The following DOK6 variants were observed in gnomAD, a reference collection of about 807,000 sequenced individuals.
The protein encoded by DOK6 is docking protein 6.
In DOK6, 22 loss-of-function variants were observed where a neutral mutation model predicts 44.0. The observed-to-expected ratio is 0.50, with a 90% CI of 0.36 to 0.71. DOK6 has a LOEUF of 0.71. Ranked by LOEUF, DOK6 falls within the 30% of genes least tolerant of loss-of-function variation. The pLI is 0.00. For missense variants in DOK6, 340 were observed against 416.4 expected (o/e 0.82, Z 1.60); for synonymous variants, 166 against 145.5 (o/e 1.14, Z -1.01).
At chr18:69,530,448 C>G (rs761277777) in intron 1 of DOK6, among the ~76,000 whole-genome samples, 12 of 152,086 alleles carry the variant, frequency 7.9e-5, no homozygotes, top group Non-Finnish European at 1.5e-4. Context: ...TGGTTGTCAG[C>G]AGGGCCTGGA....
intron 1 of DOK6, among the ~76,000 whole-genome samples, chr18:69,502,409 G>A (rs1282899376): frequency 3.3e-5 from 5 of 152,090 alleles, no homozygotes; most frequent in South Asian, 2.1e-4. Flanking sequence ...ATTAAAAGTC[G>A]AGAAAGAAGA....
intron 1 of DOK6, among the ~76,000 whole-genome samples, chr18:69,512,332 C>CTTTTTTTT (rs548031851): frequency 1.1e-5 from 1 of 91,690 alleles, no homozygotes; most frequent in African/African-American, 4.7e-5. Context: ...CTTTCTTCTT[C>CTTTTTTTT]TTTTTTTTTT....
chr18:69,684,683 A>T (rs970214891), intron 4 of DOK6, among the ~76,000 whole-genome samples: 10 of 152,122 alleles, frequency 6.6e-5, no homozygotes, highest in Non-Finnish European at 8.8e-5. Flanking sequence ...TGCTTATATC[A>T]TCCTGTATAA....
chr18:69,463,268 G>T (rs776850294), intron 1 of DOK6, among the ~76,000 whole-genome samples: 22 of 152,020 alleles, frequency 1.4e-4, no homozygotes, highest in Non-Finnish European at 2.5e-4. Context: ...AACCTCCCCA[G>T]GGCCTCTCCT....
chr18:69,669,087 T>C (rs1314246045), intron 3 of DOK6, among the ~76,000 whole-genome samples: 2 of 152,176 alleles, frequency 1.3e-5, no homozygotes, highest in Non-Finnish European at 2.9e-5. Flanking sequence ...TGCTAAAGGG[T>C]GTTTCTTCCT....
At chr18:69,673,230 G>GTGTATA (rs140062432) in intron 3 of DOK6, among the ~76,000 whole-genome samples, 6,166 of 150,254 alleles carry the variant, frequency 0.041, 142 homozygotes, top group Middle Eastern at 0.07. Context: ...TTTTCTGTGT[G>GTGTATA]TATATATATA....
intron 1 of DOK6, among the ~76,000 whole-genome samples, chr18:69,481,194 C>T (rs12957256): frequency 0.46 from 70,118 of 151,762 alleles, 16,684 homozygotes; most frequent in Middle Eastern, 0.55. Context: ...AGCTGAGATA[C>T]CAAGTCACAT....
At chr18:69,498,150 AC>A (rs1258328547) in intron 1 of DOK6, among the ~76,000 whole-genome samples, 1 of 152,230 alleles carries the variant, frequency 6.6e-6, no homozygotes, top group African/African-American at 2.4e-5. Flanking sequence ...AGATCAGAAT[AC>A]TTAGAAAATT....
rs145965679 is a variant in DOK6 at position 69,709,654 on chromosome 18, G to A, written c.599+11061G>A. 6.9e-4 allele frequency among the ~76,000 whole-genome samples: 105 copies of A among 152,052 alleles called. 1 individual carries two copies. Among genetic ancestry groups the A allele is most frequent in the African/African-American group, 2.4e-3 (101 of 41,470 alleles). On this transcript the variant is annotated intron_variant, in intron 5 of 7. Coordinates refer to ENST00000382713, the MANE Select transcript of DOK6 (RefSeq NM_152721.6). ...TTGATCATGGTAATTAACTCACAAT[G>A]TCTTATGTTTTACTAAAATTAAAGA...
intron 1 of DOK6, among the ~76,000 whole-genome samples, chr18:69,509,320 C>T (rs1599165082): frequency 1.3e-5 from 2 of 152,242 alleles, no homozygotes; most frequent in Middle Eastern, 6.8e-3. Context: ...AAATGTTATG[C>T]CGATAATCAC....
At position 69,746,004 on chromosome 18, in the gene DOK6, A is replaced by G. The variant is rs1978972453; in HGVS notation, c.738+6901A>G. Among the ~76,000 whole-genome samples, 4 of 152,220 alleles carry G rather than the reference A, an allele frequency of 2.6e-5. 1 individual carries two copies. Among genetic ancestry groups the G allele is most frequent in the Admixed American group, 2.6e-4 (4 of 15,284 alleles). ...CCCAAAATTTGATTTTAAATCACTA[A>G]GAAATTTAACGTTTTATGTGTATTT... On this transcript the variant is annotated intron_variant, in intron 6 of 7. Coordinates refer to ENST00000382713, the MANE Select transcript of DOK6 (RefSeq NM_152721.6).
chr18:69,565,474 CGT>C (rs869115556), intron 2 of DOK6, among the ~76,000 whole-genome samples: 2,810 of 87,548 alleles, frequency 0.032, 96 homozygotes, highest in African/African-American at 0.11. Flanking sequence ...TCTGTCTCTA[CGT>C]GTGTGTGTGT....
intron 7 of DOK6, among the ~76,000 whole-genome samples, chr18:69,803,809 A>C (rs1790583): frequency 0.012 from 1,858 of 152,240 alleles, 35 homozygotes; most frequent in African/African-American, 0.043. Context: ...CAGTGAGCCA[A>C]GATCACACCA....
At chr18:69,583,580 T>C (rs946444868) in intron 2 of DOK6, among the ~76,000 whole-genome samples, 1 of 152,104 alleles carries the variant, frequency 6.6e-6, no homozygotes, top group Non-Finnish European at 1.5e-5. Flanking sequence ...TGAGCTGCTG[T>C]AGTTTACTTT....
intron 3 of DOK6, among the ~76,000 whole-genome samples, chr18:69,605,059 T>C (rs1353908829): frequency 6.7e-6 from 1 of 148,716 alleles, no homozygotes; most frequent in Non-Finnish European, 1.5e-5. Flanking sequence ...TTGAGACCCC[T>C]GTTAGGAGAG....
At chr18:69,558,692 C>G (rs896420470) in intron 1 of DOK6, among the ~76,000 whole-genome samples, 2 of 152,090 alleles carry the variant, frequency 1.3e-5, no homozygotes, top group South Asian at 2.1e-4. Flanking sequence ...GACTTCCAAA[C>G]TGTTTAGGTC....
chr18:69,630,553 T>C (rs1022044759), intron 3 of DOK6, among the ~76,000 whole-genome samples: 4 of 152,178 alleles, frequency 2.6e-5, no homozygotes, highest in African/African-American at 9.7e-5. Flanking sequence ...AAGGGCTGAG[T>C]GTAGAGTAAG....
rs1341420392 is a variant in DOK6, at chr18:69,450,752, T to A, written c.66+49442T>A. On this transcript the variant is annotated intron_variant, in intron 1 of 7. Transcript: ENST00000382713. The stretch of plus-strand genomic sequence containing the variant: ...CAAGCCAGAAGAGAGTGGGGGCCAA[T>A]ATTCAACATTCTTAAAGAAAAGAAT... Among the ~76,000 whole-genome samples, 10 of 146,510 alleles carry A rather than the reference T, an allele frequency of 6.8e-5. No homozygotes were observed. The East Asian group carries it at 2.1e-3, about 31-fold the overall frequency.
intron 2 of DOK6, among the ~76,000 whole-genome samples, chr18:69,570,904 C>T (rs73970179): frequency 7.2e-4 from 109 of 152,160 alleles, no homozygotes; most frequent in African/African-American, 2.6e-3. Context: ...CAGATCTATA[C>T]TCCAAAAGTG....
Sources: allele counts gnomAD v4.1 joint callset (sites outside exome capture counted in the v4.1 genomes callset), GRCh38; gene constraint gnomAD v4.1.1; transcripts MANE v1.5; gene names NCBI Gene and HGNC (gene_info 2026-07-23, HGNC 2026-07-21).